VPS26C: variants seen among roughly 807,000 people sequenced by gnomAD.
The protein encoded by VPS26C is vacuolar protein sorting-associated protein 26C.
VPS26C carries 19 observed loss-of-function variants against 30.6 expected under a neutral mutation model. That is an observed-to-expected ratio of 0.62 (90% confidence interval 0.43 to 0.91). The LOEUF is 0.91. Ranked by LOEUF, VPS26C falls within the 40% of genes least tolerant of loss-of-function variation. VPS26C has a pLI of 0.00. For synonymous variants in VPS26C, 132 were observed against 151.5 expected, an observed-to-expected ratio of 0.87 and a Z score of 0.95; for missense variants, 318 against 385.1, an observed-to-expected ratio of 0.83 and a Z score of 1.46.
intron 1 of VPS26C, among the ~76,000 whole-genome samples, chr21:37,250,490 A>C (rs1748737448): frequency 6.6e-6 from 1 of 152,218 alleles, no homozygotes; most frequent in East Asian, 1.9e-4. Context: ...AAATATGGCC[A>C]CAAATATGAC....
chr21:37,227,895 A>C (rs548981899), intron 6 of VPS26C, 89 bp from the exon 7 acceptor site: 16 of 1,537,204 alleles, frequency 1.0e-5, no homozygotes, highest in Non-Finnish European at 1.4e-5. Context: ...AGTCTGCTCC[A>C]AGAATCCTCC....
At chr21:37,243,725 C>T (rs977751475) in intron 1 of VPS26C, among the ~76,000 whole-genome samples, 5 of 152,160 alleles carry the variant, frequency 3.3e-5, no homozygotes, top group East Asian at 1.9e-4. Context: ...ACACCCCATC[C>T]GAGACTACAG....
rs1017911525 is a variant in VPS26C, at chr21:37,252,217, T to G, written c.58-11578A>C. ...GGGTGGGAAAACATGAGTGAGACAATTAATTGCTTGTTGAAACACTCTACC... is the reference window on the plus strand; with the variant it reads ...GGGTGGGAAAACATGAGTGAGACAAGTAATTGCTTGTTGAAACACTCTACC... On this transcript the variant is annotated intron_variant, in intron 1 of 7. Transcript: ENST00000309117. Among the ~76,000 whole-genome samples the G allele has an allele frequency of 6.6e-5, 10 of 152,292 alleles. No homozygotes were observed. In the East Asian group the frequency reaches 1.9e-3, roughly 29 times the overall value.
intron 1 of VPS26C, among the ~76,000 whole-genome samples, chr21:37,244,223 A>G (rs987407192): frequency 6.6e-6 from 1 of 152,240 alleles, no homozygotes; most frequent in Non-Finnish European, 1.5e-5. Flanking sequence ...GTTTGTTCAA[A>G]GGGGGGCAAA....
chr21:37,254,348 C>T (rs1377331473), intron 1 of VPS26C, among the ~76,000 whole-genome samples: 3 of 152,156 alleles, frequency 2.0e-5, no homozygotes, highest in South Asian at 2.1e-4. Context: ...AGCAAGAGCA[C>T]GGTTAGGTGG....
rs1209473488 is a variant in VPS26C, at chr21:37,267,170, G to A, written c.57+68C>T. On this transcript the variant is annotated intron_variant, in intron 1 of 7. Transcript: ENST00000309117. ...TAGGGACGCGGGACGTGCGCAGAGC[G>A]ATGGAGACAGCGGAACCTGCAGACC... The A allele has an allele frequency of 5.2e-6, 7 of 1,333,334 alleles. No individual in the cohort carries two copies. In the East Asian group the frequency reaches 1.2e-4, roughly 23 times the overall value. The allele number at this position is 1,333,334 out of a possible 1,614,324, so 82.6% of individuals were successfully genotyped here.
intron 1 of VPS26C, among the ~76,000 whole-genome samples, chr21:37,266,178 A>G (rs2086359178): frequency 6.6e-6 from 1 of 152,002 alleles, no homozygotes; most frequent in African/African-American, 2.4e-5. Context: ...TCGGCCTCCC[A>G]AAGTGCTGGT....
intron 1 of VPS26C, among the ~76,000 whole-genome samples, chr21:37,263,911 G>C (rs2086330766): frequency 6.6e-6 from 1 of 152,148 alleles, no homozygotes; most frequent in Non-Finnish European, 1.5e-5. Flanking sequence ...TAGGAGAGAA[G>C]GGCCGCTTCT....
intron 1 of VPS26C, among the ~76,000 whole-genome samples, chr21:37,258,167 G>T (rs887636815): frequency 3.3e-5 from 5 of 152,350 alleles, no homozygotes; most frequent in Non-Finnish European, 7.3e-5. Context: ...AGTGACTTCA[G>T]TGAGTGCCAC....
chr21:37,227,589 C>T, intron 7 of VPS26C, 65 bp downstream of exon 7: 1 of 1,574,914 alleles, frequency 6.3e-7, no homozygotes, highest in Non-Finnish European at 8.7e-7. Flanking sequence ...TGACCCACAG[C>T]AGGCCCTGGC....
intron 1 of VPS26C, among the ~76,000 whole-genome samples, chr21:37,248,874 G>A (rs1425291294): frequency 6.6e-6 from 1 of 152,096 alleles, no homozygotes; most frequent in Non-Finnish European, 1.5e-5. Flanking sequence ...ATGCAATCCA[G>A]TAGCAACTTA....
At chr21:37,264,673 A>G (rs763152531) in intron 1 of VPS26C, among the ~76,000 whole-genome samples, 1 of 152,192 alleles carries the variant, frequency 6.6e-6, no homozygotes, top group Non-Finnish European at 1.5e-5. Context: ...AAAGTAGTGG[A>G]AAAATTGGAA....
Position 37,238,469 on chromosome 21 carries a change from G to A in VPS26C, c.342C>T (p.Val114=). ...ACTAGGAAGCTCTCACCTGAATGTTGACAAACACGCCATGATACGTCTCAT... is the reference window on the plus strand; with the variant it reads ...ACTAGGAAGCTCTCACCTGAATGTTAACAAACACGCCATGATACGTCTCAT... ...VLYETYHGVF[V]NIQYTLRCDM... Residue 114 remains valine (V), a synonymous_variant, in exon 3 of 8, where the codon GTC becomes GTT. Transcript: ENST00000309117. The A allele has an allele frequency of 2.5e-6, 4 of 1,613,948 alleles. No homozygotes were observed. The highest frequency in any genetic ancestry group is 3.4e-6 in the Non-Finnish European group (4 of 1,179,920).
intron 1 of VPS26C, among the ~76,000 whole-genome samples, chr21:37,256,143 C>T (rs1000056599): frequency 6.6e-6 from 1 of 152,132 alleles, no homozygotes; most frequent in Non-Finnish European, 1.5e-5. Flanking sequence ...GCCCTAGGCA[C>T]TGTATTATAT....
chr21:37,247,105 A>G (rs2086145068), intron 1 of VPS26C, among the ~76,000 whole-genome samples: 1 of 152,168 alleles, frequency 6.6e-6, no homozygotes, highest in South Asian at 2.1e-4. Flanking sequence ...TTGAAACTTA[A>G]ACTTATATTA....
chr21:37,232,503 A>G, intron 4 of VPS26C, 52 bp from the exon 5 acceptor site: 2 of 1,453,082 alleles, frequency 1.4e-6, no homozygotes, highest in Non-Finnish European at 1.9e-6. Flanking sequence ...AGAGTTCTGC[A>G]GGTCAAATAG....
chr21:37,254,476 A>G (rs774743145), intron 1 of VPS26C, among the ~76,000 whole-genome samples: 3 of 151,948 alleles, frequency 2.0e-5, no homozygotes, highest in Non-Finnish European at 4.4e-5. Flanking sequence ...CAGCCTGCGT[A>G]ACAGTGCAAG....
chr21:37,258,127 G>A (rs375766689), intron 1 of VPS26C, among the ~76,000 whole-genome samples: 1 of 152,250 alleles, frequency 6.6e-6, no homozygotes, highest in Admixed American at 6.5e-5. Context: ...CCTGCAGCCA[G>A]CAGAAACCCG....
intron 1 of VPS26C, among the ~76,000 whole-genome samples, chr21:37,247,332 T>C (rs892770335): frequency 2.0e-5 from 3 of 152,046 alleles, no homozygotes; most frequent in African/African-American, 7.3e-5. Context: ...TAAGATCAGG[T>C]AGTAGCGGGA....
Sources: allele counts gnomAD v4.1 joint callset (sites outside exome capture counted in the v4.1 genomes callset), GRCh38; gene constraint gnomAD v4.1.1; transcripts MANE v1.5; gene names NCBI Gene and HGNC (gene_info 2026-07-23, HGNC 2026-07-21).